Variants in L3MBTL3 observed in about 807,000 individuals in gnomAD.
L3MBTL3 encodes lethal(3)malignant brain tumor-like protein 3.
L3MBTL3 carries 27 observed loss-of-function variants against 102.3 expected under a neutral mutation model. The observed-to-expected ratio is 0.26, with a 90% confidence interval of 0.19 to 0.36. The LOEUF (loss-of-function observed/expected upper bound fraction) is 0.36. Among genes scored for constraint, L3MBTL3 ranks in the 10% least tolerant of loss-of-function variants. The pLI is 1.00. For missense variants in L3MBTL3, 798 were observed against 955.3 expected (o/e 0.84, Z 2.17); for synonymous variants, 340 against 320.9 (o/e 1.06, Z -0.64).
intron 18 of L3MBTL3, among the ~76,000 whole-genome samples, chr6:130,100,285 G>A (rs1353722220): frequency 6.6e-6 from 1 of 152,204 alleles, no homozygotes; most frequent in Non-Finnish European, 1.5e-5. Context: ...TCATTATTGA[G>A]TGGAGGATGA....
At chr6:130,081,221 C>G (rs1279317797) in intron 14 of L3MBTL3, among the ~76,000 whole-genome samples, 1 of 152,204 alleles carries the variant, frequency 6.6e-6, no homozygotes, top group Non-Finnish European at 1.5e-5. Context: ...GCAGTTATCT[C>G]TATTAATATT....
intron 18 of L3MBTL3, among the ~76,000 whole-genome samples, chr6:130,097,069 C>T (rs1036979169): frequency 6.6e-6 from 1 of 152,142 alleles, no homozygotes; most frequent in African/African-American, 2.4e-5. Flanking sequence ...TGCTAACATC[C>T]CTTCTCCTCA....
intron 10 of L3MBTL3, among the ~76,000 whole-genome samples, chr6:130,062,960 C>A (rs560317342): frequency 6.6e-6 from 1 of 150,678 alleles, no homozygotes. Context: ...TTTTTTCTCT[C>A]CCTCCCTCCC....
At chr6:130,072,821 A>T (rs1459231918) in intron 13 of L3MBTL3, among the ~76,000 whole-genome samples, 1 of 152,030 alleles carries the variant, frequency 6.6e-6, no homozygotes, top group Non-Finnish European at 1.5e-5. Context: ...ATTTCTCCCT[A>T]TTGTTTTAGT....
At chr6:130,126,083 C>G (rs1326067973) in intron 20 of L3MBTL3, among the ~76,000 whole-genome samples, 1 of 151,230 alleles carries the variant, frequency 6.6e-6, no homozygotes. Context: ...CTCGCTCCCT[C>G]CCTCCCTCCT....
At chr6:130,113,737 CATCAATCTGGTTT>C in intron 19 of L3MBTL3, among the ~76,000 whole-genome samples, 1 of 152,332 alleles carries the variant, frequency 6.6e-6, no homozygotes, top group East Asian at 1.9e-4. Flanking sequence ...GAATTGCAGA[CATCAATCTGGTTT>C]ATATTTTTAG....
chr6:130,139,452 A>G (rs569090452), intron 22 of L3MBTL3, among the ~76,000 whole-genome samples, 158 bp from the exon 23 acceptor site: 2 of 152,306 alleles, frequency 1.3e-5, no homozygotes, highest in South Asian at 4.1e-4. Context: ...TGTGGATAAG[A>G]AAGGTCCATA....
At chr6:130,100,334 C>T (rs781371829) in intron 18 of L3MBTL3, among the ~76,000 whole-genome samples, 10 of 152,186 alleles carry the variant, frequency 6.6e-5, no homozygotes, top group South Asian at 2.1e-4. Flanking sequence ...CCCTGATGTC[C>T]GCCTCCATGC....
intron 18 of L3MBTL3, among the ~76,000 whole-genome samples, chr6:130,100,064 G>A (rs9492453): frequency 0.015 from 2,210 of 152,262 alleles, 18 homozygotes; most frequent in Non-Finnish European, 0.018. Flanking sequence ...TTAAGAGATA[G>A]CCACAGTTCC....
chr6:130,137,788 C>CT (rs1787861086), intron 22 of L3MBTL3: 1 of 152,200 alleles, frequency 6.6e-6, no homozygotes, highest in African/African-American at 2.4e-5. Flanking sequence ...TAGAAGACTT[C>CT]TATAAGGCTG....
chr6:130,022,588 C>A (rs1235500817), intron 2 of L3MBTL3, among the ~76,000 whole-genome samples: 1 of 151,930 alleles, frequency 6.6e-6, no homozygotes, highest in Non-Finnish European at 1.5e-5. Flanking sequence ...ATGTTTTATT[C>A]TTTGGAGTTG....
intron 20 of L3MBTL3, among the ~76,000 whole-genome samples, chr6:130,125,693 C>T (rs1448929160): frequency 6.6e-6 from 1 of 152,158 alleles, no homozygotes; most frequent in African/African-American, 2.4e-5. Flanking sequence ...TTCCATTCCT[C>T]CAGTGGCAGA....
intron 12 of L3MBTL3, among the ~76,000 whole-genome samples, chr6:130,069,620 C>T (rs1261960371): frequency 1.3e-5 from 2 of 152,188 alleles, no homozygotes; most frequent in Non-Finnish European, 2.9e-5. Flanking sequence ...TCTGTCAAAA[C>T]TTATCCCAGG....
At chr6:130,055,514 C>G (rs1312959038) in intron 8 of L3MBTL3, among the ~76,000 whole-genome samples, 2 of 139,872 alleles carry the variant, frequency 1.4e-5, no homozygotes, top group African/African-American at 5.2e-5. Flanking sequence ...CTCCCTGCCT[C>G]TCTCCCTGCC....
intron 15 of L3MBTL3, 94 bp from the exon 16 acceptor site, chr6:130,086,046 C>A: frequency 1.2e-6 from 1 of 859,540 alleles, no homozygotes; most frequent in Non-Finnish European, 1.9e-6. Context: ...AGCCACCGCG[C>A]CTGGCCAGCT....
intron 1 of L3MBTL3, chr6:130,020,670 TA>T (rs1318063634): frequency 6.6e-6 from 1 of 151,298 alleles, no homozygotes; most frequent in Non-Finnish European, 1.5e-5. Context: ...GAGACGGAGG[TA>T]AACGTTGCTT....
chr6:130,030,615 C>T (rs540982383), intron 2 of L3MBTL3, among the ~76,000 whole-genome samples: 2 of 140,688 alleles, frequency 1.4e-5, no homozygotes, highest in Admixed American at 7.7e-5. Flanking sequence ...TGCAGTGAGC[C>T]GAAATCTTGC....
At chr6:130,037,103 T>C (rs898489188) in intron 2 of L3MBTL3, among the ~76,000 whole-genome samples, 1 of 152,186 alleles carries the variant, frequency 6.6e-6, no homozygotes, top group Non-Finnish European at 1.5e-5. Flanking sequence ...TTGAATCCTT[T>C]TCTGAAAGAA....
At position 130,057,163 on chromosome 6, in the gene L3MBTL3, T is replaced by G. The variant is rs572304153; in HGVS notation, c.668-243T>G. Among the ~76,000 whole-genome samples, 4 of 152,348 alleles carry G rather than the reference T, an allele frequency of 2.6e-5. No homozygotes were observed. The East Asian group carries it at 5.8e-4, about 22-fold the overall frequency. ...TGTTTTGTTTTGACTTCCTGCTGTC[T>G]TCTTCCTTTATTCTAAGTACTTCCA... On this transcript the variant is annotated intron_variant, in intron 8 of 22. Transcript: ENST00000361794.
Sources: allele counts gnomAD v4.1 joint callset (sites outside exome capture counted in the v4.1 genomes callset), GRCh38; gene constraint gnomAD v4.1.1; transcripts MANE v1.5; gene names NCBI Gene and HGNC (gene_info 2026-07-23, HGNC 2026-07-21).